SPRED2: variants seen among roughly 807,000 people sequenced by gnomAD.
SPRED2 encodes the protein sprouty related EVH1 domain containing 2.
In SPRED2, 47 loss-of-function variants were observed where a neutral mutation model predicts 43.0. That is an observed-to-expected ratio of 1.09 (90% CI 0.87 to 1.40). SPRED2 has a LOEUF of 1.40. SPRED2 is among the 40% of genes most tolerant of loss of function. SPRED2 has a pLI of 0.00. For missense variants in SPRED2, 561 were observed against 586.4 expected, an observed-to-expected ratio of 0.96 and a Z score of 0.45; for synonymous variants, 225 against 225.7, an observed-to-expected ratio of 1.00 and a Z score of 0.03.
intron 1 of SPRED2, among the ~76,000 whole-genome samples, chr2:65,428,980 C>T (rs1298720379): frequency 6.6e-6 from 1 of 152,064 alleles, no homozygotes; most frequent in African/African-American, 2.4e-5. Context: ...TAAATTTTAA[C>T]ATGCATTTTT....
intron 2 of SPRED2, among the ~76,000 whole-genome samples, chr2:65,341,582 G>A (rs1030339310): frequency 5.3e-5 from 8 of 152,150 alleles, no homozygotes; most frequent in Admixed American, 4.6e-4. Flanking sequence ...TGCCAAGGAC[G>A]TGGCTCACTT....
intron 1 of SPRED2, among the ~76,000 whole-genome samples, chr2:65,376,957 G>C (rs1675255692): frequency 6.6e-6 from 1 of 152,004 alleles, no homozygotes; most frequent in South Asian, 2.1e-4. Context: ...CTCATGATCC[G>C]CCTGCCTCGG....
intron 1 of SPRED2, among the ~76,000 whole-genome samples, chr2:65,430,904 G>T (rs1276686092): frequency 6.6e-6 from 1 of 151,770 alleles, no homozygotes; most frequent in Admixed American, 6.6e-5. Context: ...CACAGCCACT[G>T]AGCAGCAGCG....
chr2:65,431,642 C>A (rs1345548373), intron 1 of SPRED2, among the ~76,000 whole-genome samples: 1 of 152,186 alleles, frequency 6.6e-6, no homozygotes. Context: ...CCGCTCTAGC[C>A]GCCGAGGATT....
chr2:65,386,942 C>T (rs1288305991), intron 1 of SPRED2, among the ~76,000 whole-genome samples: 1 of 150,896 alleles, frequency 6.6e-6, no homozygotes, highest in Non-Finnish European at 1.5e-5. Context: ...TCACCTAGAA[C>T]TCACACGGAT....
Position 65,311,800 on chromosome 2 carries a change from G to A in SPRED2, c.*1701C>T, listed in dbSNP as rs1198874473. 90 of 985,348 alleles carry A rather than the reference G, an allele frequency of 9.1e-5. No homozygotes were observed. Among genetic ancestry groups the A allele is most frequent in the Non-Finnish European group, 1.0e-4 (87 of 829,968 alleles). 61.0% of individuals were successfully genotyped at this position (985,348 alleles called of 1,614,324 possible). A position where few individuals can be genotyped will look rare whatever the true frequency, so the allele number is the denominator to read the frequency against. ...GTAATCTACTAAAGAAAATCGATGA[G>A]CTTGTGGACGAGCTGGAAACAGCCC... On this transcript the variant is annotated 3_prime_UTR_variant, in exon 6 of 6. Coordinates refer to ENST00000356388, the MANE Select transcript of SPRED2 (RefSeq NM_181784.3).
intron 4 of SPRED2, among the ~76,000 whole-genome samples, chr2:65,325,227 G>A (rs576578156): frequency 6.6e-6 from 1 of 152,282 alleles, no homozygotes; most frequent in South Asian, 2.1e-4. Context: ...ATGTTCCCAG[G>A]AACACAAGGG....
rs968792351 is a variant in SPRED2 at position 65,311,354 on chromosome 2, G to C, written c.*2147C>G. 5 of 985,672 alleles carry C rather than the reference G, an allele frequency of 5.1e-6. No individual in the cohort carries two copies. The highest frequency in any genetic ancestry group is 6.0e-6 in the Non-Finnish European group (5 of 829,926). The allele number at this position is 985,672 out of a possible 1,614,324, so 61.1% of individuals were successfully genotyped here. On this transcript the variant is annotated 3_prime_UTR_variant, in exon 6 of 6. Coordinates refer to ENST00000356388, the MANE Select transcript of SPRED2 (RefSeq NM_181784.3). ...TATACGTGGAGTAAGATCTGCTAGCGTAACTCTTAAAAGGGTGGAAAAGGA... is the reference window on the plus strand; with the variant it reads ...TATACGTGGAGTAAGATCTGCTAGCCTAACTCTTAAAAGGGTGGAAAAGGA...
intron 4 of SPRED2, among the ~76,000 whole-genome samples, chr2:65,325,467 C>T (rs1673582945): frequency 6.6e-6 from 1 of 152,232 alleles, no homozygotes; most frequent in South Asian, 2.1e-4. Flanking sequence ...ATATCTTGGA[C>T]AAGTTGTTTA....
At chr2:65,334,336 G>A in intron 3 of SPRED2, 1 of 555,324 alleles carries the variant, frequency 1.8e-6, no homozygotes, top group African/African-American at 1.9e-5. Flanking sequence ...AAAAATACAT[G>A]CACATGGAAA....
intron 4 of SPRED2, among the ~76,000 whole-genome samples, chr2:65,322,206 C>A (rs1178959951): frequency 7.1e-6 from 1 of 141,444 alleles, no homozygotes; most frequent in Non-Finnish European, 1.5e-5. Context: ...ATTTTGCTCA[C>A]AAAAGATAGT....
intron 1 of SPRED2, among the ~76,000 whole-genome samples, chr2:65,379,701 C>T (rs1399850787): frequency 6.6e-6 from 1 of 152,156 alleles, no homozygotes; most frequent in Non-Finnish European, 1.5e-5. Flanking sequence ...TGAGTCGACA[C>T]TGCAATAGAG....
rs1673256070 is a variant in SPRED2, at chr2:65,316,879, G to A, written c.443C>T (p.Ala148Val). The A allele has an allele frequency of 1.2e-6, 2 of 1,613,624 alleles. No individual in the cohort carries two copies. Among genetic ancestry groups the A allele is most frequent in the Admixed American group, 1.7e-5 (1 of 59,960 alleles). The change falls in exon 5 of 6, where the codon GCT becomes GTT. Residue 148 changes from alanine to valine, a missense_variant. Around this residue, in one of 6 missense-constraint regions of SPRED2, gnomAD observed 305 missense variants for 282.4 expected, o/e 1.08. Transcript: ENST00000356388. The stretch of plus-strand genomic sequence containing the variant: ...AGAGGAATTAGAAGAACTGTCTGTA[G>A]CTGTCTGTGTAGAGGGAGGTAACCA... ...ELGDDDVFTT[A>V]TDSSSNSSQK...
intron 1 of SPRED2, among the ~76,000 whole-genome samples, chr2:65,348,245 C>T (rs1434348713): frequency 6.6e-6 from 1 of 152,158 alleles, no homozygotes; most frequent in East Asian, 1.9e-4. Flanking sequence ...GAGAGGACTT[C>T]CCTGCCCACT....
Position 65,402,103 on chromosome 2 carries a change from C to A in SPRED2, c.26+29859G>T, listed in dbSNP as rs368613350. The stretch of plus-strand genomic sequence containing the variant: ...AAGCAGCCTGGGCAACATGGCAAAA[C>A]CCCATCTCTACTAAAAATACAAAAA... On this transcript the variant is annotated intron_variant, in intron 1 of 5. Coordinates refer to ENST00000356388, the MANE Select transcript of SPRED2 (RefSeq NM_181784.3). Among the ~76,000 whole-genome samples the A allele has an allele frequency of 2.3e-3, 351 of 151,510 alleles. 4 individuals carry two copies. The highest frequency in any genetic ancestry group is 8.3e-3 in the African/African-American group (343 of 41,296).
chr2:65,378,676 C>A (rs1007793954), intron 1 of SPRED2, among the ~76,000 whole-genome samples: 1 of 152,184 alleles, frequency 6.6e-6, no homozygotes, highest in African/African-American at 2.4e-5. Flanking sequence ...GAGTTGGTGA[C>A]CGCACAAAAG....
chr2:65,380,857 C>CTT (rs2308100), intron 1 of SPRED2, among the ~76,000 whole-genome samples: 1 of 152,036 alleles, frequency 6.6e-6, no homozygotes, highest in Non-Finnish European at 1.5e-5. Flanking sequence ...ATTCAAGCCA[C>CTT]GATTATATCT....
intron 1 of SPRED2, among the ~76,000 whole-genome samples, chr2:65,389,164 G>A (rs1365217189): frequency 1.3e-5 from 2 of 151,212 alleles, no homozygotes; most frequent in East Asian, 3.9e-4. Context: ...AGGCCCGAGA[G>A]TTCAATTCTC....
intron 1 of SPRED2, among the ~76,000 whole-genome samples, chr2:65,362,355 C>T (rs1014576115): frequency 6.6e-5 from 10 of 151,988 alleles, no homozygotes; most frequent in Non-Finnish European, 1.0e-4. Flanking sequence ...CTGCAAGCTC[C>T]GCCTCCCGGG....
Sources: allele counts gnomAD v4.1 joint callset (sites outside exome capture counted in the v4.1 genomes callset), GRCh38; gene constraint gnomAD v4.1.1; regional missense constraint gnomAD v4.1.1; transcripts MANE v1.5; gene names NCBI Gene and HGNC (gene_info 2026-07-23, HGNC 2026-07-21).